Variants in NCS1 observed in about 807,000 individuals in gnomAD.
The protein encoded by NCS1 is neuronal calcium sensor 1.
Under a neutral mutation model 28.4 loss-of-function variants are expected in NCS1, and 6 were observed. That is an observed-to-expected ratio of 0.21 (90% CI 0.12 to 0.42). The LOEUF is 0.42. Among genes scored for constraint, NCS1 ranks in the 10% least tolerant of loss-of-function variants. NCS1 has a pLI of 1.00. For missense variants in NCS1, 131 were observed against 241.4 expected (o/e 0.54, Z 3.03); for synonymous variants, 86 against 99.3 (o/e 0.87, Z 0.79).
Position 130,234,728 on chromosome 9 carries a change from CAT to C in NCS1, c.*1757_*1758del, listed in dbSNP as rs1202634705. ...GGTCAGTTCCAGCAGATGAATGTGT[CAT>C]GTGGCACACCTTGTCCCTTCCCGCA... On this transcript the variant is annotated 3_prime_UTR_variant, in exon 8 of 8. Transcript: ENST00000372398. The surrounding 1 kb of genome is among the most constrained non-coding windows in gnomAD (Gnocchi z 6.1). The C allele has an allele frequency of 6.6e-6, 1 of 152,298 alleles. No homozygotes were observed. The highest frequency in any genetic ancestry group is 2.4e-5 in the African/African-American group (1 of 41,420). The allele number at this position is 152,298 out of a possible 1,614,324, so 9.4% of individuals were successfully genotyped here.
At chr9:130,214,813 G>A (rs2131147925) in intron 2 of NCS1, among the ~76,000 whole-genome samples, 1 of 152,258 alleles carries the variant, frequency 6.6e-6, no homozygotes, top group Admixed American at 6.5e-5. Flanking sequence ...TGGGGCCCCT[G>A]CTATTGGCAC....
chr9:130,192,718 C>T lies in NCS1; in HGVS notation c.65-8240C>T, dbSNP rs181940047. On this transcript the variant is annotated intron_variant, in intron 1 of 7. Transcript: ENST00000372398. The surrounding 1 kb of genome is among the most constrained non-coding windows in gnomAD (Gnocchi z 4.8). The stretch of plus-strand genomic sequence containing the variant: ...TGCCGTGTGACTCCAGGGAGGTTCT[C>T]CCCCAGGAGCCGGTGCTGCAGTGAG... Among the ~76,000 whole-genome samples, 1 of 152,098 alleles carries T rather than the reference C, an allele frequency of 6.6e-6. No individual in the cohort carries two copies. Among genetic ancestry groups the T allele is most frequent in the African/African-American group, 2.4e-5 (1 of 41,416 alleles).
chr9:130,194,967 C>T (rs551097781), intron 1 of NCS1, among the ~76,000 whole-genome samples: 2 of 152,222 alleles, frequency 1.3e-5, no homozygotes, highest in African/African-American at 2.4e-5. Flanking sequence ...GTGCAGGGTG[C>T]TGAGCCAGGC....
chr9:130,232,743 G>A lies in NCS1; in HGVS notation c.*18-247G>A, dbSNP rs1288010240. On this transcript the variant is annotated intron_variant, in intron 7 of 7. Coordinates refer to ENST00000372398, the MANE Select transcript of NCS1 (RefSeq NM_014286.4). The surrounding 1 kb of genome is among the most constrained non-coding windows in gnomAD (Gnocchi z 4.4). Reference sequence around the variant, plus strand: ...GGAGGTTGCAGTGAGCCGAGATTATGCCACTGCACTGCAGCCCAGGTGACA... The same window carrying A: ...GGAGGTTGCAGTGAGCCGAGATTATACCACTGCACTGCAGCCCAGGTGACA... Among the ~76,000 whole-genome samples, 1 of 152,044 alleles carries A rather than the reference G, an allele frequency of 6.6e-6. No individual in the cohort carries two copies. The highest frequency in any genetic ancestry group is 1.5e-5 in the Non-Finnish European group (1 of 68,006).
intron 2 of NCS1, among the ~76,000 whole-genome samples, chr9:130,203,064 G>A (rs1832976314): frequency 6.6e-6 from 1 of 151,278 alleles, no homozygotes; most frequent in South Asian, 2.1e-4. Context: ...GTGTGTGTGT[G>A]TGTGTGTGTG....
chr9:130,216,120 A>G (rs4240446), intron 2 of NCS1, among the ~76,000 whole-genome samples: 132,379 of 152,222 alleles, frequency 0.87, 57,639 homozygotes, highest in East Asian at 0.95. Flanking sequence ...ATTCCTCTTC[A>G]TTGGGGAGGG....
intron 2 of NCS1, among the ~76,000 whole-genome samples, chr9:130,207,811 C>T (rs181805420): frequency 1.3e-5 from 2 of 152,352 alleles, no homozygotes; most frequent in East Asian, 3.9e-4. Context: ...TGGTGCCTCC[C>T]AGCTCTGAGC....
intron 4 of NCS1, among the ~76,000 whole-genome samples, chr9:130,222,048 T>TTATGTATCTATAA (rs1833331641): frequency 4.7e-4 from 1 of 2,118 alleles, no homozygotes; most frequent in African/African-American, 7.1e-4. Context: ...TATCTATAAA[T>TTATGTATCTATAA]ATATATACAT....
chr9:130,224,107 A>C (rs1289292353), intron 6 of NCS1, among the ~76,000 whole-genome samples: 1 of 149,626 alleles, frequency 6.7e-6, no homozygotes, highest in Non-Finnish European at 1.5e-5. Context: ...CGGCCTCCCA[A>C]AGTGCTGGGA....
At chr9:130,223,206 T>G in intron 6 of NCS1, 47 bp downstream of exon 6, 7 of 1,559,222 alleles carry the variant, frequency 4.5e-6, no homozygotes, top group Non-Finnish European at 6.2e-6. Flanking sequence ...AGGCAAGGTG[T>G]CGGGGGCAGG....
At chr9:130,221,358 T>A (rs1833285074) in intron 4 of NCS1, among the ~76,000 whole-genome samples, 1 of 130,910 alleles carries the variant, frequency 7.6e-6, no homozygotes, top group Non-Finnish European at 1.6e-5. Flanking sequence ...ATAAAATATT[T>A]AATATATATA....
At chr9:130,197,200 C>CT (rs797028389) in intron 1 of NCS1, among the ~76,000 whole-genome samples, 1 of 151,894 alleles carries the variant, frequency 6.6e-6, no homozygotes, top group African/African-American at 2.4e-5. Flanking sequence ...AGGACGGTGG[C>CT]TTTTTTTTGA....
chr9:130,192,209 G>C lies in NCS1; in HGVS notation c.65-8749G>C, dbSNP rs1212645992. ...GGGGCATCGAGTAATAAGTACAACA[G>C]CAGTGATGATCATGCTGACTGCCTC... On this transcript the variant is annotated intron_variant, in intron 1 of 7. Transcript: ENST00000372398. This position sits in a 1 kb window ranked among gnomAD's most constrained non-coding sequence, Gnocchi z 4.8. 1.3e-5 allele frequency among the ~76,000 whole-genome samples: 2 copies of C among 152,188 alleles called. No homozygotes were observed. The highest frequency in any genetic ancestry group is 2.9e-5 in the Non-Finnish European group (2 of 68,026).
chr9:130,220,332 G>A (rs1833258969), intron 4 of NCS1, among the ~76,000 whole-genome samples: 2 of 152,174 alleles, frequency 1.3e-5, no homozygotes, highest in African/African-American at 2.4e-5. Flanking sequence ...GATCCACTGG[G>A]GGATAAGATA....
chr9:130,222,443 A>AT (rs1429948853), intron 4 of NCS1, among the ~76,000 whole-genome samples: 9 of 151,996 alleles, frequency 5.9e-5, no homozygotes, highest in Non-Finnish European at 8.8e-5. Context: ...GTGAGCCACC[A>AT]TGCCCAGCCT....
intron 6 of NCS1, among the ~76,000 whole-genome samples, chr9:130,225,793 G>A (rs1554911299): frequency 1.3e-5 from 2 of 152,212 alleles, no homozygotes; most frequent in African/African-American, 2.4e-5. Context: ...CTGGATACCC[G>A]AGATCGAGTA....
chr9:130,219,946 G>A lies in NCS1; in HGVS notation c.307+143G>A. 2 of 904,290 alleles carry A rather than the reference G, an allele frequency of 2.2e-6. No homozygotes were observed. Among genetic ancestry groups the A allele is most frequent in the Non-Finnish European group, 3.5e-6 (2 of 568,408 alleles). The allele number at this position is 904,290 out of a possible 1,614,324, so 56.0% of individuals were successfully genotyped here. The stretch of plus-strand genomic sequence containing the variant: ...GGCGTCCCAGCTGTGTCTGCAGAGG[G>A]CAGGCCTGGGCCCTGGGCAGGTGGC... On this transcript the variant is annotated intron_variant, in intron 4 of 7. Coordinates refer to ENST00000372398, the MANE Select transcript of NCS1 (RefSeq NM_014286.4). This position sits in a 1 kb window ranked among gnomAD's most constrained non-coding sequence, Gnocchi z 5.7.
At chr9:130,201,343 G>A (rs571035433) in intron 2 of NCS1, among the ~76,000 whole-genome samples, 5 of 152,256 alleles carry the variant, frequency 3.3e-5, no homozygotes, top group African/African-American at 4.8e-5. Flanking sequence ...CTGGGGCTCC[G>A]TCACCCCTTC....
chr9:130,205,023 T>G (rs1554907885), intron 2 of NCS1, among the ~76,000 whole-genome samples: 1 of 149,316 alleles, frequency 6.7e-6, no homozygotes, highest in African/African-American at 2.5e-5. Context: ...TACACATGAG[T>G]ACAAAGCGGG....
Sources: gnomAD v4.1 joint callset for allele counts (sites outside exome capture counted in the v4.1 genomes callset) on GRCh38, gnomAD v4.1.1 for gene constraint, Gnocchi (gnomAD v3.1) non-coding constraint, MANE v1.5 for transcripts, NCBI Gene and HGNC (gene_info 2026-07-23, HGNC 2026-07-21) for gene names.